Variants in RBM33 observed in about 807,000 individuals in gnomAD.
RBM33 encodes the protein RNA binding motif protein 33.
In RBM33, 28 loss-of-function variants were observed where a neutral mutation model predicts 132.6. The observed-to-expected ratio is 0.21, with a 90% confidence interval of 0.16 to 0.29. The LOEUF (loss-of-function observed/expected upper bound fraction) is 0.29, where lower values mean the gene tolerates loss of function less well. Among genes scored for constraint, RBM33 ranks in the 10% least tolerant of loss-of-function variants. RBM33 has a pLI of 1.00. For synonymous variants in RBM33, 634 were observed against 593.0 expected (o/e 1.07, Z -1.01); for missense variants, 1,291 against 1,518.5 (o/e 0.85, Z 2.49).
intron 1 of RBM33, among the ~76,000 whole-genome samples, chr7:155,655,534 C>CGTT (rs1554465866): frequency 1.2e-3 from 94 of 80,120 alleles, no homozygotes; most frequent in Non-Finnish European, 1.8e-3. Context: ...GGCTGTTTGC[C>CGTT]TTTTTTTTTT....
rs1408919377 is a variant in RBM33 at position 155,741,938 on chromosome 7, C to T, written c.2169C>T (p.Ser723=). 1.2e-6 allele frequency: 2 copies of T among 1,613,924 alleles called. No homozygotes were observed. Among genetic ancestry groups the T allele is most frequent in the Non-Finnish European group, 1.7e-6 (2 of 1,179,912 alleles). Residue 723 remains serine (S), a synonymous_variant, in exon 13 of 18, where the codon AGC becomes AGT. Transcript: ENST00000401878. ...IAPSHVIEMS[S]SRCSATPSAQ... is the part of the protein sequence containing the mutation. ...CGTCACACGTGATAGAAATGAGCAG[C>T]AGCCGCTGCTCTGCCACGCCCTCAG... is the stretch of plus-strand genomic sequence containing the variant.
chr7:155,735,549 C>A (rs942939036), intron 9 of RBM33, among the ~76,000 whole-genome samples: 2 of 151,628 alleles, frequency 1.3e-5, no homozygotes, highest in African/African-American at 4.9e-5. Context: ...TACAAAAAAA[C>A]TAGCTGGATG....
chr7:155,688,953 C>T (rs1280930944), intron 5 of RBM33, among the ~76,000 whole-genome samples: 1 of 152,154 alleles, frequency 6.6e-6, no homozygotes, highest in African/African-American at 2.4e-5. Context: ...TGTGTCTCTG[C>T]CAGGCTTTGG....
rs1323403599 is a variant in RBM33, at chr7:155,745,746, TATA to T, written c.2979+146_2979+148del. 1.2e-6 allele frequency: 1 copy of T among 837,972 alleles called. No individual in the cohort carries two copies. Among genetic ancestry groups the T allele is most frequent in the African/African-American group, 1.7e-5 (1 of 58,202 alleles). The allele number at this position is 837,972 out of a possible 1,614,324, so 51.9% of individuals were successfully genotyped here. ...CCAATCTCTACCTACTTGAAGTTGGTATAAGAATTGCCGCTTGACGACAGGCAT... is the reference window on the plus strand; with the variant it reads ...CCAATCTCTACCTACTTGAAGTTGGTAGAATTGCCGCTTGACGACAGGCAT... On this transcript the variant is annotated intron_variant, in intron 14 of 17. Transcript: ENST00000401878. This position sits in a 1 kb window ranked among gnomAD's most constrained non-coding sequence, Gnocchi z 4.1.
chr7:155,660,350 A>G (rs4716890), intron 1 of RBM33, among the ~76,000 whole-genome samples: 9,825 of 152,298 alleles, frequency 0.065, 476 homozygotes, highest in African/African-American at 0.14. Flanking sequence ...GATTACAGGC[A>G]TGAGTCACTA....
chr7:155,712,726 G>C (rs1293957176), intron 8 of RBM33, among the ~76,000 whole-genome samples: 1 of 152,216 alleles, frequency 6.6e-6, no homozygotes, highest in Admixed American at 6.5e-5. Context: ...TGTTTGAGTA[G>C]CCAAAAGGAG....
At chr7:155,650,699 G>C (rs1263806887) in intron 1 of RBM33, among the ~76,000 whole-genome samples, 1 of 152,244 alleles carries the variant, frequency 6.6e-6, no homozygotes, top group African/African-American at 2.4e-5. Flanking sequence ...TTTGGGTCTG[G>C]TTCCCTTTAA....
At chr7:155,759,679 A>G (rs1269149788) in intron 14 of RBM33, among the ~76,000 whole-genome samples, 3 of 152,156 alleles carry the variant, frequency 2.0e-5, no homozygotes, top group Non-Finnish European at 4.4e-5. Flanking sequence ...TCGGCCTCCC[A>G]AAGCACAGTT....
intron 2 of RBM33, 81 bp from the exon 3 acceptor site, chr7:155,672,786 C>G: frequency 1.3e-4 from 95 of 711,310 alleles, no homozygotes; most frequent in Non-Finnish European, 1.9e-4. Context: ...CTGTAGAGTT[C>G]TTGGTAAATT....
intron 2 of RBM33, among the ~76,000 whole-genome samples, chr7:155,666,537 T>C (rs1358160626): frequency 6.6e-6 from 1 of 151,938 alleles, no homozygotes; most frequent in Non-Finnish European, 1.5e-5. Context: ...AAAAGTTAGA[T>C]AGTGCTTAAA....
intron 3 of RBM33, 92 bp from the exon 4 acceptor site, chr7:155,678,516 C>A: frequency 1.3e-6 from 1 of 798,112 alleles, no homozygotes; most frequent in Non-Finnish European, 2.0e-6. Context: ...TAATATAAGG[C>A]TAGGAACAAT....
At chr7:155,754,015 G>A (rs1377478927) in intron 14 of RBM33, among the ~76,000 whole-genome samples, 3 of 152,216 alleles carry the variant, frequency 2.0e-5, no homozygotes, top group Non-Finnish European at 2.9e-5. Flanking sequence ...AAATGTCTTA[G>A]TGTGGGCAGA....
In RBM33 at chr7:155,779,265, T is replaced by C. The variant is rs1271326876; in HGVS notation, c.*4224T>C. The C allele has an allele frequency of 1.3e-5, 2 of 151,720 alleles. No homozygotes were observed. The highest frequency in any genetic ancestry group is 2.1e-4 in the South Asian group (1 of 4,796). 9.4% of individuals were successfully genotyped at this position (151,720 alleles called of 1,614,324 possible). A position where few individuals can be genotyped will look rare whatever the true frequency, so the allele number is the denominator to read the frequency against. The stretch of plus-strand genomic sequence containing the variant: ...GCGAGAGAAAGCTCGAAAGGTATTA[T>C]TGGTTTTTCAAAAAATTAGAGGTGA... On this transcript the variant is annotated 3_prime_UTR_variant, in exon 18 of 18. Transcript: ENST00000401878.
chr7:155,717,063 T>G (rs1800483227), intron 8 of RBM33, among the ~76,000 whole-genome samples: 1 of 152,174 alleles, frequency 6.6e-6, no homozygotes, highest in Non-Finnish European at 1.5e-5. Context: ...ACCCTGTTTT[T>G]ATAGTGATTC....
At chr7:155,733,763 A>G (rs1283736666) in intron 9 of RBM33, among the ~76,000 whole-genome samples, 1 of 152,188 alleles carries the variant, frequency 6.6e-6, no homozygotes, top group Non-Finnish European at 1.5e-5. Flanking sequence ...GGCAAGTAGA[A>G]AGAATGGCCG....
intron 1 of RBM33, among the ~76,000 whole-genome samples, chr7:155,657,790 G>A (rs796108755): frequency 2.0e-5 from 3 of 152,208 alleles, no homozygotes; most frequent in African/African-American, 7.2e-5. Context: ...TAAAATATTG[G>A]GATTTTGCTT....
chr7:155,744,656 G>T (rs1365505779), intron 13 of RBM33, among the ~76,000 whole-genome samples: 2 of 152,210 alleles, frequency 1.3e-5, no homozygotes, highest in Non-Finnish European at 2.9e-5. Flanking sequence ...ATTCCTGTTT[G>T]AAACATATTT....
intron 6 of RBM33, among the ~76,000 whole-genome samples, 199 bp from the exon 7 acceptor site, chr7:155,706,661 C>T (rs1368229632): frequency 1.3e-5 from 2 of 152,080 alleles, no homozygotes; most frequent in South Asian, 2.1e-4. Context: ...AAAGCCTGTT[C>T]TTATTTATCA....
At chr7:155,704,338 C>T (rs1474707012) in intron 6 of RBM33, among the ~76,000 whole-genome samples, 2 of 152,080 alleles carry the variant, frequency 1.3e-5, no homozygotes, top group African/African-American at 2.4e-5. Flanking sequence ...ACAGTGTTCT[C>T]GGTTTTCCCA....
Sources: gnomAD v4.1 joint callset for allele counts (sites outside exome capture counted in the v4.1 genomes callset) on GRCh38, gnomAD v4.1.1 for gene constraint, Gnocchi (gnomAD v3.1) non-coding constraint, MANE v1.5 for transcripts, NCBI Gene and HGNC (gene_info 2026-07-23, HGNC 2026-07-21) for gene names.